Variants in RFX4 observed in about 807,000 individuals in gnomAD.
RFX4 encodes regulatory factor X4, also known as transcription factor RFX4.
RFX4 carries 10 observed loss-of-function variants against 95.0 expected under a neutral mutation model. The ratio of observed to expected loss-of-function variants is 0.11; its 90% confidence interval spans 0.06 to 0.18. The LOEUF (loss-of-function observed/expected upper bound fraction) is 0.18. RFX4 is among the 10% of genes least tolerant of loss of function. The probability of loss-of-function intolerance (pLI) is 1.00; values close to 1 mark genes in which losing one functional copy is unlikely to be tolerated. For missense variants in RFX4, 640 were observed against 922.0 expected (o/e 0.69, Z 3.96); for synonymous variants, 321 against 340.7 (o/e 0.94, Z 0.64).
At chr12:106,711,895 G>GT (rs1223105216) in intron 10 of RFX4, among the ~76,000 whole-genome samples, 2 of 152,100 alleles carry the variant, frequency 1.3e-5, no homozygotes, top group Non-Finnish European at 2.9e-5. Context: ...ATTTTGTTTA[G>GT]TTTTTTTCCA....
chr12:106,587,299 C>A (rs1437390227), intron 1 of RFX4, among the ~76,000 whole-genome samples: 2 of 152,198 alleles, frequency 1.3e-5, no homozygotes, highest in African/African-American at 4.8e-5. Flanking sequence ...CCGCCCCCGT[C>A]CCCAGCGCGT....
intron 5 of RFX4, 32 bp from the exon 6 acceptor site, chr12:106,686,852 T>TC (rs748978774): frequency 3.4e-6 from 5 of 1,463,548 alleles, no homozygotes; most frequent in African/African-American, 2.2e-5. Context: ...TTTTTTTTTT[T>TC]CTCTCTCTCC....
At chr12:106,658,190 T>C (rs1221385754) in intron 4 of RFX4, among the ~76,000 whole-genome samples, 1 of 152,206 alleles carries the variant, frequency 6.6e-6, no homozygotes, top group Non-Finnish European at 1.5e-5. Context: ...CTTTTACGTA[T>C]GTGAACTCGT....
At chr12:106,736,460 T>C (rs1729090872) in intron 15 of RFX4, among the ~76,000 whole-genome samples, 1 of 152,162 alleles carries the variant, frequency 6.6e-6, no homozygotes, top group African/African-American at 2.4e-5. Flanking sequence ...TAAGGACCAC[T>C]GCCTGAGGGC....
intron 17 of RFX4, among the ~76,000 whole-genome samples, chr12:106,752,150 A>C (rs1373132066): frequency 6.6e-6 from 1 of 151,086 alleles, no homozygotes; most frequent in Non-Finnish European, 1.5e-5. Flanking sequence ...TCAGCTTTCT[A>C]CATATGGCTA....
chr12:106,634,494 C>G (rs890197952), intron 2 of RFX4, among the ~76,000 whole-genome samples: 1 of 152,294 alleles, frequency 6.6e-6, no homozygotes, highest in African/African-American at 2.4e-5. Flanking sequence ...TCCCAACAAC[C>G]TTTTGAGGTA....
At chr12:106,748,978 G>A (rs760264734) in intron 16 of RFX4, among the ~76,000 whole-genome samples, 33 of 151,694 alleles carry the variant, frequency 2.2e-4, no homozygotes, top group Admixed American at 4.6e-4. Flanking sequence ...CCAGCTACTC[G>A]TGAGGCTGCG....
chr12:106,650,621 A>T (rs969207997), intron 3 of RFX4, among the ~76,000 whole-genome samples: 11 of 152,096 alleles, frequency 7.2e-5, no homozygotes, highest in Admixed American at 4.6e-4. Context: ...CCAGCTACTC[A>T]GGAAACTGAG....
chr12:106,734,833 G>GA (rs1380951496), intron 15 of RFX4, among the ~76,000 whole-genome samples: 6 of 152,088 alleles, frequency 3.9e-5, no homozygotes, highest in Non-Finnish European at 1.5e-5. Flanking sequence ...GGCCAAGGTG[G>GA]AAGGATGTTT....
intron 2 of RFX4, among the ~76,000 whole-genome samples, chr12:106,637,417 A>G (rs903219221): frequency 1.3e-5 from 2 of 151,992 alleles, no homozygotes; most frequent in Non-Finnish European, 2.9e-5. Flanking sequence ...ATCATATGAC[A>G]TTTTCATTTT....
chr12:106,707,882 C>T (rs1329059906), intron 8 of RFX4, among the ~76,000 whole-genome samples: 2 of 152,174 alleles, frequency 1.3e-5, no homozygotes, highest in Non-Finnish European at 2.9e-5. Context: ...CCTGTAATCC[C>T]AGCGCTTTGG....
Position 106,720,113 on chromosome 12 carries a change from G to A in RFX4, c.1233+59G>A, listed in dbSNP as rs1565994148. 1 of 1,430,328 alleles carries A rather than the reference G, an allele frequency of 7.0e-7. No homozygotes were observed. The highest frequency in any genetic ancestry group is 9.9e-7 in the Non-Finnish European group (1 of 1,014,354). 88.6% of individuals were successfully genotyped at this position (1,430,328 alleles called of 1,614,324 possible). ...GCCCTGCAGCCCACCACTGCCCTCT[G>A]TGAACTTGGCCAAGACAAAGCCCTA... On this transcript the variant is annotated intron_variant, in intron 12 of 17. Coordinates refer to ENST00000392842, the MANE Select transcript of RFX4 (RefSeq NM_213594.3). The surrounding 1 kb of genome is among the most constrained non-coding windows in gnomAD (Gnocchi z 4.2).
rs2041524435 is a variant in RFX4 at position 106,681,981 on chromosome 12, G to A, written c.316-12G>A. 3.1e-6 allele frequency: 5 copies of A among 1,614,140 alleles called. No individual in the cohort carries two copies. Among genetic ancestry groups the A allele is most frequent in the Admixed American group, 1.7e-5 (1 of 60,024 alleles). ...TTCCCAATGGGTAACTGATTCTTGT[G>A]TTGACTTACAGATCATAAGGCAGCA... On this transcript the variant is annotated splice_polypyrimidine_tract_variant and intron_variant, in intron 4 of 17. Coordinates refer to ENST00000392842, the MANE Select transcript of RFX4 (RefSeq NM_213594.3).
chr12:106,640,474 C>T (rs2040598809), intron 3 of RFX4, among the ~76,000 whole-genome samples: 1 of 152,242 alleles, frequency 6.6e-6, no homozygotes. Context: ...ACTCAATCTT[C>T]TCTAACAAGA....
At chr12:106,684,476 A>G (rs528718555) in intron 5 of RFX4, among the ~76,000 whole-genome samples, 1 of 152,350 alleles carries the variant, frequency 6.6e-6, no homozygotes, top group Admixed American at 6.5e-5. Flanking sequence ...TGTGCCCTAC[A>G]GAACTGAAAT....
intron 13 of RFX4, among the ~76,000 whole-genome samples, chr12:106,731,761 A>T (rs2042615547): frequency 6.6e-6 from 1 of 152,214 alleles, no homozygotes; most frequent in South Asian, 2.1e-4. Context: ...AATGAGAGAC[A>T]CTATGTTAAT....
chr12:106,717,782 A>G (rs752046), intron 11 of RFX4, among the ~76,000 whole-genome samples: 97,005 of 152,116 alleles, frequency 0.64, 32,788 homozygotes, highest in African/African-American at 0.88. Context: ...GGGAATTGAG[A>G]GAGGGTACCA....
intron 2 of RFX4, among the ~76,000 whole-genome samples, chr12:106,621,714 C>G (rs2040188820): frequency 6.6e-6 from 1 of 152,206 alleles, no homozygotes; most frequent in Admixed American, 6.5e-5. Context: ...TAGATATTAG[C>G]TACTCTGTCA....
At chr12:106,602,072 A>C (rs1432384623) in intron 1 of RFX4, among the ~76,000 whole-genome samples, 1 of 152,202 alleles carries the variant, frequency 6.6e-6, no homozygotes, top group Non-Finnish European at 1.5e-5. Context: ...CAGTGTGGGC[A>C]TGAGGGCAGT....
Sources: gnomAD v4.1 joint callset for allele counts (sites outside exome capture counted in the v4.1 genomes callset) on GRCh38, gnomAD v4.1.1 for gene constraint, Gnocchi (gnomAD v3.1) non-coding constraint, MANE v1.5 for transcripts, NCBI Gene and HGNC (gene_info 2026-07-23, HGNC 2026-07-21) for gene names.